ZNF516: variants seen among roughly 807,000 people sequenced by gnomAD.
The protein encoded by ZNF516 is zinc finger protein 516.
Under a neutral mutation model 79.7 loss-of-function variants are expected in ZNF516, and 19 were observed. That is an observed-to-expected ratio of 0.24 (90% CI 0.17 to 0.35). The LOEUF (loss-of-function observed/expected upper bound fraction) is 0.35. Among genes scored for constraint, ZNF516 ranks in the 10% least tolerant of loss-of-function variants. ZNF516 has a pLI of 1.00. For synonymous variants in ZNF516, 877 were observed against 739.5 expected (o/e 1.19, Z -3.02); for missense variants, 1,678 against 1,679.5 (o/e 1.00, Z 0.02).
chr18:76,463,532 T>C (rs534529133), intron 1 of ZNF516, among the ~76,000 whole-genome samples: 54 of 152,234 alleles, frequency 3.5e-4, no homozygotes, highest in Non-Finnish European at 7.5e-4. Context: ...TGGACTGCGC[T>C]TGGTGTGCGC....
At chr18:76,477,232 C>G (rs1464560084) in intron 1 of ZNF516, among the ~76,000 whole-genome samples, 1 of 152,170 alleles carries the variant, frequency 6.6e-6, no homozygotes, top group Admixed American at 6.5e-5. Flanking sequence ...TGCAATTCCA[C>G]AAGTCAGACA....
chr18:76,377,091 G>T (rs1011675846), intron 4 of ZNF516, among the ~76,000 whole-genome samples: 1 of 152,208 alleles, frequency 6.6e-6, no homozygotes, highest in Non-Finnish European at 1.5e-5. Flanking sequence ...GAGGGAACTC[G>T]CTCACTGTAA....
rs561980693 is a variant in ZNF516 at position 76,451,371 on chromosome 18, C to T, written c.-157-8160G>A. Reference sequence around the variant, plus strand: ...CCGCGGGTGCAGGGGGGTGACAGCCCGGTCCTGCGCACATCTCCGCTGACA... The same window carrying T: ...CCGCGGGTGCAGGGGGGTGACAGCCTGGTCCTGCGCACATCTCCGCTGACA... On this transcript the variant is annotated intron_variant, in intron 2 of 6. Coordinates refer to ENST00000443185, the MANE Select transcript of ZNF516 (RefSeq NM_014643.4). The surrounding 1 kb of genome is among the most constrained non-coding windows in gnomAD (Gnocchi z 6.0). Among the ~76,000 whole-genome samples, 2 of 152,282 alleles carry T rather than the reference C, an allele frequency of 1.3e-5. No individual in the cohort carries two copies. Among genetic ancestry groups the T allele is most frequent in the East Asian group, 1.9e-4 (1 of 5,188 alleles).
intron 3 of ZNF516, among the ~76,000 whole-genome samples, chr18:76,398,849 T>C (rs1032964043): frequency 2.6e-5 from 4 of 152,082 alleles, no homozygotes; most frequent in Admixed American, 2.6e-4. Flanking sequence ...TTGCGATGCA[T>C]AAATGTCCAA....
At chr18:76,383,092 C>A (rs528313281) in intron 3 of ZNF516, among the ~76,000 whole-genome samples, 2 of 151,448 alleles carry the variant, frequency 1.3e-5, no homozygotes, top group African/African-American at 4.9e-5. Context: ...TCGATGTCAC[C>A]GGTCGAGAGT....
intron 2 of ZNF516, among the ~76,000 whole-genome samples, chr18:76,452,597 A>G (rs1373102014): frequency 6.6e-6 from 1 of 152,234 alleles, no homozygotes; most frequent in Admixed American, 6.5e-5. Context: ...GTTGTTTACC[A>G]CAAACTGTCA....
intron 4 of ZNF516, among the ~76,000 whole-genome samples, chr18:76,374,850 TGAGAA>T (rs1344687848): frequency 3.3e-5 from 5 of 152,028 alleles, no homozygotes; most frequent in Non-Finnish European, 7.4e-5. Context: ...ACACATGCGG[TGAGAA>T]GAGAAGACCA....
chr18:76,441,990 G>A lies in ZNF516; in HGVS notation c.1065C>T (p.Ala355=), dbSNP rs767066924. ...TNLDSLNAHN[A]IHRRVEASRT... ...GGCTGGCCTCGACTCTGCGGTGGAT[G>A]GCATTGTGGGCGTTCAAGCTGTCCA... Residue 355 remains alanine (A), a synonymous_variant, in exon 3 of 7, where the codon GCC becomes GCT. Transcript: ENST00000443185. 6.2e-7 allele frequency: 1 copy of A among 1,613,360 alleles called. No homozygotes were observed.
chr18:76,487,882 C>T, intron 1 of ZNF516: 1 of 968,482 alleles, frequency 1.0e-6, no homozygotes, highest in Non-Finnish European at 1.2e-6. Context: ...ACACTTTCGG[C>T]CAGTCAGGTG....
At chr18:76,492,515 G>A (rs989995103) in intron 1 of ZNF516, 14 of 382,374 alleles carry the variant, frequency 3.7e-5, no homozygotes, top group African/African-American at 6.6e-5. Flanking sequence ...CTCCCAGTGA[G>A]AAAATCACAT....
chr18:76,417,906 T>C (rs756061716), intron 3 of ZNF516, among the ~76,000 whole-genome samples: 35 of 152,250 alleles, frequency 2.3e-4, no homozygotes, highest in Non-Finnish European at 3.5e-4. Flanking sequence ...ACAATTTTGC[T>C]AGTTATCTTA....
intron 3 of ZNF516, among the ~76,000 whole-genome samples, chr18:76,417,961 A>C (rs2075453688): frequency 6.6e-6 from 1 of 152,254 alleles, no homozygotes; most frequent in Non-Finnish European, 1.5e-5. Flanking sequence ...GTGACGTTTT[A>C]AAATTGAATT....
At chr18:76,462,933 A>AAAGT (rs1279498699) in intron 2 of ZNF516, 95 bp downstream of exon 2, 1 of 152,200 alleles carries the variant, frequency 6.6e-6, no homozygotes, top group Non-Finnish European at 1.5e-5. Context: ...CCTACACCAT[A>AAAGT]AAGTAATAAC....
chr18:76,428,771 A>T (rs1281589917), intron 3 of ZNF516, among the ~76,000 whole-genome samples: 1 of 152,266 alleles, frequency 6.6e-6, no homozygotes, highest in Non-Finnish European at 1.5e-5. Flanking sequence ...GCCGGTAAGG[A>T]CAGTCAACAG....
chr18:76,441,137 G>T (rs954928222), intron 3 of ZNF516, 108 bp downstream of exon 3: 13 of 1,422,650 alleles, frequency 9.1e-6, no homozygotes, highest in African/African-American at 2.9e-5. Flanking sequence ...AAGGGCCACC[G>T]GGTAAGGGGC....
upstream of ZNF516, chr18:76,496,171 G>C: frequency 1.0e-6 from 1 of 988,260 alleles, no homozygotes; most frequent in Non-Finnish European, 1.3e-6. Flanking sequence ...CGCGGGGGCG[G>C]GGGAGGGGCG....
intron 1 of ZNF516, among the ~76,000 whole-genome samples, chr18:76,488,455 C>A (rs1051252365): frequency 7.3e-6 from 1 of 137,204 alleles, no homozygotes; most frequent in African/African-American, 2.6e-5. Flanking sequence ...AACAAACCCA[C>A]GGGTATTCCT....
chr18:76,490,950 CACACGCAGA>C, intron 1 of ZNF516: 1 of 985,436 alleles, frequency 1.0e-6, no homozygotes, highest in Non-Finnish European at 1.2e-6. Context: ...TGTGAGGTCA[CACACGCAGA>C]ACACAAAACC....
intron 3 of ZNF516, among the ~76,000 whole-genome samples, chr18:76,407,530 T>C (rs915157744): frequency 2.6e-5 from 4 of 152,162 alleles, no homozygotes; most frequent in Non-Finnish European, 4.4e-5. Context: ...GACGGGGCCA[T>C]GTGATTGGAA....
Sources: gnomAD v4.1 joint callset for allele counts (sites outside exome capture counted in the v4.1 genomes callset) on GRCh38, gnomAD v4.1.1 for gene constraint, Gnocchi (gnomAD v3.1) non-coding constraint, MANE v1.5 for transcripts, NCBI Gene and HGNC (gene_info 2026-07-23, HGNC 2026-07-21) for gene names.